Variants in GOLGB1 observed in about 807,000 individuals in gnomAD.
The protein encoded by GOLGB1 is golgin B1.
Under a neutral mutation model 336.9 loss-of-function variants are expected in GOLGB1, and 174 were observed. That is an observed-to-expected ratio of 0.52 (90% CI 0.46 to 0.59). The LOEUF (loss-of-function observed/expected upper bound fraction) is 0.59, where lower values mean the gene tolerates loss of function less well. Ranked by LOEUF, GOLGB1 falls within the 20% of genes least tolerant of loss-of-function variation. GOLGB1 has a pLI of 0.00. For missense variants in GOLGB1, 3,331 were observed against 3,645.3 expected (o/e 0.91, Z 2.22); for synonymous variants, 1,208 against 1,289.2 (o/e 0.94, Z 1.35).
Position 121,695,978 on chromosome 3 carries a change from T to A in GOLGB1, c.4545A>T (p.Arg1515Ser). 1.2e-6 allele frequency: 2 copies of A among 1,614,056 alleles called. No homozygotes were observed. The highest frequency in any genetic ancestry group is 1.7e-6 in the Non-Finnish European group (2 of 1,179,930). ...ACTTGGTGAGACGTTCAATGGTACC[T>A]CTGGCCAAAGACAATTCCTCTTGGA... Reference protein sequence around the residue: ...KSLQEELSLARGTIERLTKSL... With the variant: ...KSLQEELSLASGTIERLTKSL... Residue 1515 changes from arginine to serine, a missense_variant, in exon 13 of 22, where the codon AGA becomes AGT. Coordinates refer to ENST00000614479, the MANE Select transcript of GOLGB1 (RefSeq NM_001366282.2).
At chr3:121,673,686 GCTATCTAT>G (rs59292082) in intron 17 of GOLGB1, among the ~76,000 whole-genome samples, 2,199 of 145,534 alleles carry the variant, frequency 0.015, 23 homozygotes, top group African/African-American at 0.021. Context: ...AAATGGGATT[GCTATCTAT>G]CTATCTATCT....
intron 2 of GOLGB1, 89 bp from the exon 3 acceptor site, chr3:121,730,106 G>A: frequency 1.2e-6 from 1 of 805,638 alleles, no homozygotes. Flanking sequence ...TTTATGTTTT[G>A]CCCAATTCAT....
chr3:121,717,258 GA>G, intron 8 of GOLGB1, 119 bp from the exon 9 acceptor site: 1 of 759,252 alleles, frequency 1.3e-6, no homozygotes, highest in African/African-American at 1.8e-5. Context: ...ATGCTAGAGA[GA>G]AAGCCCTTCT....
chr3:121,677,202 T>TA (rs3835145), intron 16 of GOLGB1, 83 bp downstream of exon 16: 134,750 of 1,063,598 alleles, frequency 0.13, 4,182 homozygotes, highest in East Asian at 0.41. Context: ...GGTAGCGTCT[T>TA]AAAAAAAAAA....
Position 121,698,260 on chromosome 3 carries a change from G to T in GOLGB1, c.2263C>A (p.Leu755Ile). ...ATGCTAAGTTCCTTCACCTGAGAGA[G>T]AAGCTGGTCTCTTTCTTCAGACAAA... is the stretch of plus-strand genomic sequence containing the variant. ...TALSEERDQL[L>I]SQVKELSMVT... Residue 755 changes from leucine to isoleucine, a missense_variant, in exon 13 of 22, where the codon CTC becomes ATC. Physicochemically the swap from Leu to Ile is conservative, Grantham distance 5. Transcript: ENST00000614479. 6.2e-7 allele frequency: 1 copy of T among 1,613,966 alleles called. No individual in the cohort carries two copies. The highest frequency in any genetic ancestry group is 8.5e-7 in the Non-Finnish European group (1 of 1,179,878).
In GOLGB1 at chr3:121,698,297, A is replaced by G. The variant is rs1943118977; in HGVS notation, c.2226T>C (p.Ser742=). 6.2e-7 allele frequency: 1 copy of G among 1,614,010 alleles called. No individual in the cohort carries two copies. Among genetic ancestry groups the G allele is most frequent in the Non-Finnish European group, 8.5e-7 (1 of 1,179,908 alleles). The part of the protein sequence containing the change: ...EFKKNADNNS[S]AFTALSEERD... Reference sequence around the variant, plus strand: ...TTTCTTCAGACAAAGCAGTGAATGCACTGCTGTTGTTGTCAGCATTTTTCT... The same window carrying G: ...TTTCTTCAGACAAAGCAGTGAATGCGCTGCTGTTGTTGTCAGCATTTTTCT... The change falls in exon 13 of 22, where the codon AGT becomes AGC. Residue 742 remains serine (S), a synonymous_variant. Transcript: ENST00000614479.
intron 17 of GOLGB1, among the ~76,000 whole-genome samples, chr3:121,676,405 G>A (rs1940382763): frequency 6.6e-6 from 1 of 152,104 alleles, no homozygotes; most frequent in Non-Finnish European, 1.5e-5. Flanking sequence ...GGGCATTCTT[G>A]GCTCTCCTCA....
In GOLGB1 at chr3:121,730,820, T is replaced by A. The variant is rs559144186; in HGVS notation, c.96+56A>T. The A allele has an allele frequency of 6.5e-6, 10 of 1,532,630 alleles. No individual in the cohort carries two copies. The East Asian group carries it at 2.4e-4, about 37-fold the overall frequency. 94.9% of individuals were successfully genotyped at this position (1,532,630 alleles called of 1,614,324 possible). On this transcript the variant is annotated intron_variant, in intron 2 of 21. Coordinates refer to ENST00000614479, the MANE Select transcript of GOLGB1 (RefSeq NM_001366282.2). Reference sequence around the variant, plus strand: ...ACCCTTCTATCTTAAATTATTTTCCTTAGAAGAACACAGAACATATGTCTT... The same window carrying A: ...ACCCTTCTATCTTAAATTATTTTCCATAGAAGAACACAGAACATATGTCTT...
rs749702488 is a variant in GOLGB1, at chr3:121,698,532, A to C, written c.1991T>G (p.Val664Gly). The change falls in exon 13 of 22, where the codon GTA (valine) becomes GGA (glycine). Residue 664 changes from valine (V) to glycine (G), a missense_variant. By Grantham distance (109) the Val-to-Gly change is moderately radical. Transcript: ENST00000614479. ...SEEISLNDAG[V>G]ELKSTKQDGD... The stretch of plus-strand genomic sequence containing the variant: ...ATCCTGCTTTGTTGATTTCAATTCT[A>C]CTCCAGCATCATTTAAAGATATTTC... The C allele has an allele frequency of 1.9e-6, 3 of 1,613,280 alleles. No individual in the cohort carries two copies. In the South Asian group the frequency reaches 3.3e-5, roughly 18 times the overall value.
intron 10 of GOLGB1, among the ~76,000 whole-genome samples, chr3:121,711,571 C>T (rs1357386231): frequency 6.6e-6 from 1 of 152,020 alleles, no homozygotes; most frequent in Non-Finnish European, 1.5e-5. Context: ...GACATGATTG[C>T]TTACATAGAA....
intron 6 of GOLGB1, among the ~76,000 whole-genome samples, chr3:121,721,721 T>TGAA (rs1308985384): frequency 6.6e-6 from 1 of 152,110 alleles, no homozygotes; most frequent in Non-Finnish European, 1.5e-5. Context: ...GGTCTGGTCT[T>TGAA]GACAGATGAA....
chr3:121,722,290 C>T lies in GOLGB1; in HGVS notation c.620G>A (p.Ser207Asn). The T allele has an allele frequency of 6.2e-7, 1 of 1,611,380 alleles. No homozygotes were observed. Among genetic ancestry groups the T allele is most frequent in the African/African-American group, 1.3e-5 (1 of 74,950 alleles). The change falls in exon 6 of 22, where the codon AGC becomes AAC. Residue 207 changes from serine (S) to asparagine (N), a missense_variant. Physicochemically the swap from Ser to Asn is conservative, Grantham distance 46. Coordinates refer to ENST00000614479, the MANE Select transcript of GOLGB1 (RefSeq NM_001366282.2). ...EFISTLQAQL[S>N]QTQAEQAAQL... ...TGCAGCTTGCTCTGCCTGTGTCTGG[C>T]TGAGCTGGGCTTGTAAAGTGCTAAT...
At chr3:121,701,161 G>C (rs1943373094) in intron 11 of GOLGB1, among the ~76,000 whole-genome samples, 1 of 152,072 alleles carries the variant, frequency 6.6e-6, no homozygotes, top group Non-Finnish European at 1.5e-5. Flanking sequence ...TAATCTATGA[G>C]GCCAGACACA....
intron 14 of GOLGB1, among the ~76,000 whole-genome samples, chr3:121,683,268 A>AATTTT (rs1941316895): frequency 1.3e-5 from 2 of 151,738 alleles, no homozygotes. Context: ...ACAGACAACT[A>AATTTT]ATTTTATTCT....
At chr3:121,733,982 G>A (rs1946300604) in intron 1 of GOLGB1, among the ~76,000 whole-genome samples, 1 of 152,056 alleles carries the variant, frequency 6.6e-6, no homozygotes. Flanking sequence ...GCTGAATTTG[G>A]CAATGAGCTT....
intron 15 of GOLGB1, among the ~76,000 whole-genome samples, chr3:121,679,501 C>A (rs894092542): frequency 4.6e-5 from 7 of 152,144 alleles, no homozygotes; most frequent in African/African-American, 1.4e-4. Context: ...CCGGAAACAC[C>A]AATGAGTACC....
At position 121,695,409 on chromosome 3, in the gene GOLGB1, C is replaced by T; in HGVS notation, c.5114G>A (p.Arg1705Lys). The change falls in exon 13 of 22, where the codon AGG (arginine) becomes AAG (lysine). Residue 1705 changes from arginine to lysine, a missense_variant. Coordinates refer to ENST00000614479, the MANE Select transcript of GOLGB1 (RefSeq NM_001366282.2). The part of the protein sequence containing the change: ...LELEEENDRL[R>K]AEVHPAGDTA... ...ATCTCCTGCAGGGTGCACCTCTGCC[C>T]TAAGCCGGTCATTCTCTTCTTCCAG... 2.5e-6 allele frequency: 4 copies of T among 1,613,966 alleles called. No homozygotes were observed. Among genetic ancestry groups the T allele is most frequent in the Non-Finnish European group, 3.4e-6 (4 of 1,179,968 alleles).
intron 1 of GOLGB1, among the ~76,000 whole-genome samples, chr3:121,731,860 T>A (rs1048595131): frequency 9.3e-5 from 14 of 151,070 alleles, no homozygotes; most frequent in African/African-American, 3.4e-4. Flanking sequence ...AATAGAAAAA[T>A]AGAGAATATC....
chr3:121,741,366 A>G (rs545235739), intron 1 of GOLGB1, among the ~76,000 whole-genome samples: 144 of 152,274 alleles, frequency 9.5e-4, no homozygotes, highest in African/African-American at 3.2e-3. Flanking sequence ...CTCTGACAAT[A>G]TATAGGACAA....
Sources: allele counts gnomAD v4.1 joint callset (sites outside exome capture counted in the v4.1 genomes callset), GRCh38; gene constraint gnomAD v4.1.1; transcripts MANE v1.5; gene names NCBI Gene and HGNC (gene_info 2026-07-23, HGNC 2026-07-21).